Variants in SEMA6D observed in about 807,000 individuals in gnomAD.
SEMA6D encodes the protein semaphorin 6D.
A neutral mutation model predicts 106.6 loss-of-function variants in SEMA6D; 35 were observed. The ratio of observed to expected loss-of-function variants is 0.33; its 90% confidence interval spans 0.25 to 0.44. The LOEUF is 0.44. Ranked by LOEUF, SEMA6D falls within the 20% of genes least tolerant of loss-of-function variation. The probability of loss-of-function intolerance (pLI) is 1.00; values close to 1 mark genes in which losing one functional copy is unlikely to be tolerated. For synonymous variants in SEMA6D, 499 were observed against 487.7 expected (o/e 1.02, Z -0.31); for missense variants, 1,185 against 1,345.9 (o/e 0.88, Z 1.87).
chr15:47,342,023 T>TTTTC (rs1342081993), intron 1 of SEMA6D, among the ~76,000 whole-genome samples: 7 of 152,098 alleles, frequency 4.6e-5, no homozygotes. Context: ...TTTTTCCTTT[T>TTTTC]TTTCTTTTTT....
At chr15:47,710,609 G>C (rs1000631735) in intron 4 of SEMA6D, among the ~76,000 whole-genome samples, 1 of 152,072 alleles carries the variant, frequency 6.6e-6, no homozygotes, top group Non-Finnish European at 1.5e-5. Context: ...CACACACACA[G>C]TGTGTGCAAT....
chr15:47,601,483 T>C (rs1385192166), intron 4 of SEMA6D, among the ~76,000 whole-genome samples: 2 of 152,244 alleles, frequency 1.3e-5, no homozygotes, highest in Non-Finnish European at 2.9e-5. Context: ...ATGCATTTGA[T>C]GTGCACCATC....
intron 1 of SEMA6D, among the ~76,000 whole-genome samples, chr15:47,206,843 A>G (rs544252636): frequency 8.5e-5 from 13 of 152,250 alleles, no homozygotes; most frequent in South Asian, 4.1e-4. Flanking sequence ...TCCTGGTCAC[A>G]GCAAGCTGCT....
intron 1 of SEMA6D, among the ~76,000 whole-genome samples, chr15:47,221,825 A>G (rs1032770618): frequency 1.3e-5 from 2 of 152,226 alleles, no homozygotes; most frequent in African/African-American, 2.4e-5. Flanking sequence ...ATTGATAAAG[A>G]AAGCACATTT....
chr15:47,518,436 A>T (rs1381753808), intron 3 of SEMA6D, among the ~76,000 whole-genome samples: 1 of 152,196 alleles, frequency 6.6e-6, no homozygotes, highest in Non-Finnish European at 1.5e-5. Context: ...ACATTGTAAG[A>T]AATGTGGTAT....
At chr15:47,442,102 A>G (rs1031769235) in intron 2 of SEMA6D, among the ~76,000 whole-genome samples, 2 of 152,134 alleles carry the variant, frequency 1.3e-5, no homozygotes, top group Admixed American at 1.3e-4. Context: ...GCTTGGGGAA[A>G]GATTTTGAAT....
At chr15:47,705,705 G>A (rs939553985) in intron 4 of SEMA6D, among the ~76,000 whole-genome samples, 1 of 152,058 alleles carries the variant, frequency 6.6e-6, no homozygotes, top group Non-Finnish European at 1.5e-5. Flanking sequence ...GAATACCTAA[G>A]ACCAGTTCCC....
intron 3 of SEMA6D, among the ~76,000 whole-genome samples, chr15:47,584,993 G>A (rs949555034): frequency 5.3e-5 from 8 of 152,178 alleles, no homozygotes; most frequent in African/African-American, 1.7e-4. Context: ...CACAGGCATC[G>A]GAGATTTAGG....
At chr15:47,410,628 C>A (rs183871278) in intron 1 of SEMA6D, among the ~76,000 whole-genome samples, 1 of 152,240 alleles carries the variant, frequency 6.6e-6, no homozygotes, top group Non-Finnish European at 1.5e-5. Context: ...TGAATTGGAT[C>A]TTTGGGGTAG....
chr15:47,761,474 C>G, intron 6 of SEMA6D, 43 bp downstream of exon 6: 1 of 1,478,472 alleles, frequency 6.8e-7, no homozygotes, highest in Non-Finnish European at 9.3e-7. Flanking sequence ...ATCAACTTTT[C>G]TCCCTTCACT....
At chr15:47,499,892 G>A (rs2043793493) in intron 3 of SEMA6D, among the ~76,000 whole-genome samples, 2 of 151,934 alleles carry the variant, frequency 1.3e-5, no homozygotes, top group East Asian at 1.9e-4. Flanking sequence ...TTAAACTTCA[G>A]TGCTTAAAGG....
chr15:47,600,434 G>GA (rs1449235161), intron 3 of SEMA6D, among the ~76,000 whole-genome samples: 1 of 152,120 alleles, frequency 6.6e-6, no homozygotes, highest in African/African-American at 2.4e-5. Flanking sequence ...TGCATTTCAT[G>GA]AAACAGCTGC....
At chr15:47,672,268 G>A (rs964277063) in intron 4 of SEMA6D, among the ~76,000 whole-genome samples, 5 of 152,134 alleles carry the variant, frequency 3.3e-5, no homozygotes, top group East Asian at 3.9e-4. Flanking sequence ...TGTGTCTGAC[G>A]TTGTCATACC....
chr15:47,364,673 G>C (rs982799391), intron 1 of SEMA6D, among the ~76,000 whole-genome samples: 2 of 152,042 alleles, frequency 1.3e-5, no homozygotes, highest in Non-Finnish European at 2.9e-5. Flanking sequence ...TCACTCCACG[G>C]CCTCTTTCCA....
intron 2 of SEMA6D, among the ~76,000 whole-genome samples, chr15:47,437,754 CTA>C (rs956197157): frequency 2.0e-5 from 3 of 152,022 alleles, no homozygotes; most frequent in Non-Finnish European, 4.4e-5. Context: ...AGCTAATTTG[CTA>C]TAATTACAAA....
Position 47,290,641 on chromosome 15 carries a change from CACAT to C in SEMA6D, c.-239+106225_-239+106228del, listed in dbSNP as rs569760290. On this transcript the variant is annotated intron_variant, in intron 1 of 19. Coordinates refer to the SEMA6D transcript ENST00000558014. Reference sequence around the variant, plus strand: ...TTATATATATATATACACACACACACACATATATTCAAATTTAGAGTGACATCCT... The same window carrying C: ...TTATATATATATATACACACACACACATATTCAAATTTAGAGTGACATCCT... Among the ~76,000 whole-genome samples, 648 of 151,770 alleles carry C rather than the reference CACAT, an allele frequency of 4.3e-3. 7 individuals are homozygous for C. The highest frequency in any genetic ancestry group is 0.014 in the African/African-American group (586 of 41,336).
At chr15:47,319,403 C>A (rs1425471858) in intron 1 of SEMA6D, among the ~76,000 whole-genome samples, 2 of 152,172 alleles carry the variant, frequency 1.3e-5, no homozygotes, top group African/African-American at 4.8e-5. Context: ...GGTAAATGGA[C>A]AGCTGTAAGT....
At chr15:47,354,232 C>CAT (rs2038463093) in intron 1 of SEMA6D, among the ~76,000 whole-genome samples, 1 of 142,416 alleles carries the variant, frequency 7.0e-6, no homozygotes, top group African/African-American at 2.6e-5. Flanking sequence ...TACACACATA[C>CAT]ATATATATGG....
chr15:47,717,879 T>TCGGAACC (rs1567014497), intron 1 of SEMA6D, among the ~76,000 whole-genome samples, 187 bp downstream of exon 1: 1 of 132,038 alleles, frequency 7.6e-6, no homozygotes, highest in African/African-American at 3.0e-5. Flanking sequence ...TGTGTGTGTG[T>TCGGAACC]TGCCACTGGA....
Sources: gnomAD v4.1 joint callset for allele counts (sites outside exome capture counted in the v4.1 genomes callset) on GRCh38, gnomAD v4.1.1 for gene constraint, MANE v1.5 for transcripts, NCBI Gene and HGNC (gene_info 2026-07-23, HGNC 2026-07-21) for gene names.